TAFA1: variants seen among roughly 807,000 people sequenced by gnomAD.
TAFA1 encodes the protein TAFA chemokine like family member 1, also known as chemokine-like protein TAFA-1.
In TAFA1, 4 loss-of-function variants were observed where a neutral mutation model predicts 18.5. The observed-to-expected ratio is 0.22, with a 90% CI of 0.11 to 0.49. The LOEUF is 0.49. Ranked by LOEUF, TAFA1 falls within the 20% of genes least tolerant of loss-of-function variation. The pLI, the probability that TAFA1 is intolerant of heterozygous loss-of-function variation, is 0.98. For missense variants in TAFA1, 147 were observed against 169.0 expected (o/e 0.87, Z 0.72); for synonymous variants, 56 against 55.2 (o/e 1.01, Z -0.06).
At chr3:68,153,576 T>C (rs1559539918) in intron 2 of TAFA1, among the ~76,000 whole-genome samples, 2 of 152,192 alleles carry the variant, frequency 1.3e-5, no homozygotes, top group African/African-American at 4.8e-5. Context: ...TCGTTTTATT[T>C]TATTTGTTCA....
chr3:68,361,012 G>A (rs141991723), intron 2 of TAFA1, among the ~76,000 whole-genome samples: 4 of 152,058 alleles, frequency 2.6e-5, no homozygotes, highest in Non-Finnish European at 5.9e-5. Flanking sequence ...AAATAATAAG[G>A]CAAAATGCAC....
intron 2 of TAFA1, among the ~76,000 whole-genome samples, chr3:68,309,904 T>C (rs2068486550): frequency 6.6e-6 from 1 of 152,150 alleles, no homozygotes; most frequent in Non-Finnish European, 1.5e-5. Context: ...TTTATGTCAG[T>C]GGGAAGGAGG....
intron 2 of TAFA1, among the ~76,000 whole-genome samples, chr3:68,398,179 G>A (rs766423590): frequency 6.6e-6 from 1 of 152,096 alleles, no homozygotes; most frequent in Non-Finnish European, 1.5e-5. Flanking sequence ...TATGCTACAA[G>A]GCTAAAGTAA....
chr3:68,257,145 T>TCTG (rs897936432), intron 2 of TAFA1, among the ~76,000 whole-genome samples: 6 of 152,124 alleles, frequency 3.9e-5, no homozygotes, highest in African/African-American at 1.2e-4. Flanking sequence ...AACCTGCTGT[T>TCTG]CTGCTACACA....
intron 2 of TAFA1, among the ~76,000 whole-genome samples, chr3:68,118,022 A>G (rs189645763): frequency 3.3e-4 from 50 of 152,266 alleles, no homozygotes; most frequent in African/African-American, 1.1e-3. Context: ...TTTGTTGAAA[A>G]CAATTTTTTT....
chr3:68,077,533 C>CCAGT (rs1169530033), intron 2 of TAFA1, among the ~76,000 whole-genome samples: 11 of 149,492 alleles, frequency 7.4e-5, no homozygotes, highest in African/African-American at 2.7e-4. Flanking sequence ...ATATGGCTAG[C>CCAGT]CAGTTTTCCC....
chr3:68,117,289 TC>T (rs2065335959), intron 2 of TAFA1, among the ~76,000 whole-genome samples: 2 of 152,176 alleles, frequency 1.3e-5, no homozygotes, highest in African/African-American at 4.8e-5. Flanking sequence ...ACGCAAAACT[TC>T]TCAGGAGCAC....
chr3:68,369,851 G>A (rs1426976078), intron 2 of TAFA1, among the ~76,000 whole-genome samples: 1 of 152,074 alleles, frequency 6.6e-6, no homozygotes, highest in Non-Finnish European at 1.5e-5. Context: ...ATTTGCAAGT[G>A]CCACACCTTC....
chr3:68,057,205 G>A (rs900477643), intron 2 of TAFA1, among the ~76,000 whole-genome samples: 1 of 152,146 alleles, frequency 6.6e-6, no homozygotes, highest in South Asian at 2.1e-4. Flanking sequence ...TGTAGATTTG[G>A]CAGTGTGATA....
chr3:68,069,002 G>A (rs2106743471), intron 2 of TAFA1, among the ~76,000 whole-genome samples: 1 of 152,348 alleles, frequency 6.6e-6, no homozygotes, highest in Admixed American at 6.5e-5. Context: ...GAGATCTAGA[G>A]GAGGTGCAGA....
At chr3:68,314,882 CATAAG>C (rs2068582384) in intron 2 of TAFA1, among the ~76,000 whole-genome samples, 1 of 149,702 alleles carries the variant, frequency 6.7e-6, no homozygotes, top group South Asian at 2.1e-4. Flanking sequence ...ATTCTTCGGT[CATAAG>C]ATATTTATAC....
At chr3:68,260,579 C>T (rs540801127) in intron 2 of TAFA1, among the ~76,000 whole-genome samples, 2 of 152,040 alleles carry the variant, frequency 1.3e-5, no homozygotes, top group African/African-American at 4.8e-5. Context: ...GAGATATAGA[C>T]CAATGGAACA....
intron 2 of TAFA1, among the ~76,000 whole-genome samples, chr3:68,017,960 G>A (rs1417366542): frequency 8.9e-6 from 1 of 112,474 alleles, no homozygotes; most frequent in African/African-American, 3.3e-5. Flanking sequence ...AGGTTGGGTA[G>A]GAAGTCAGCT....
At chr3:68,108,237 G>T (rs974369677) in intron 2 of TAFA1, among the ~76,000 whole-genome samples, 1 of 152,092 alleles carries the variant, frequency 6.6e-6, no homozygotes. Context: ...GTAGAAACTT[G>T]TTAGATAAGA....
rs1450788700 is a variant in TAFA1, at chr3:68,512,068, G to A, written c.260-26688G>A. Among the ~76,000 whole-genome samples the A allele has an allele frequency of 3.3e-5, 5 of 152,046 alleles. No individual in the cohort carries two copies. In the East Asian group the frequency reaches 9.7e-4, roughly 29 times the overall value. Reference sequence around the variant, plus strand: ...AAAAAGGGCACCAAGGTTTACAGAAGTTAAATCACTTGATCAAGGTCCCTT... The same window carrying A: ...AAAAAGGGCACCAAGGTTTACAGAAATTAAATCACTTGATCAAGGTCCCTT... On this transcript the variant is annotated intron_variant, in intron 3 of 4. Transcript: ENST00000478136.
intron 3 of TAFA1, among the ~76,000 whole-genome samples, chr3:68,503,573 G>C (rs1009008653): frequency 1.3e-5 from 2 of 152,126 alleles, no homozygotes; most frequent in African/African-American, 2.4e-5. Context: ...TTCCTTTTGG[G>C]ATCCTGAAAA....
At chr3:68,147,315 A>C (rs899782498) in intron 2 of TAFA1, among the ~76,000 whole-genome samples, 1 of 151,920 alleles carries the variant, frequency 6.6e-6, no homozygotes, top group Admixed American at 6.6e-5. Flanking sequence ...GAGCCAGCCA[A>C]ATTATCCAAA....
intron 2 of TAFA1, among the ~76,000 whole-genome samples, chr3:68,061,396 G>C (rs1369391989): frequency 1.3e-5 from 2 of 152,178 alleles, no homozygotes; most frequent in East Asian, 3.9e-4. Context: ...CCTGAGAGAA[G>C]TCCTGAGAAA....
At chr3:68,091,099 T>A (rs970199175) in intron 2 of TAFA1, among the ~76,000 whole-genome samples, 2 of 152,204 alleles carry the variant, frequency 1.3e-5, no homozygotes, top group Non-Finnish European at 2.9e-5. Flanking sequence ...TCTAATCAGC[T>A]GGACAATCTT....
Sources: gnomAD v4.1 joint callset for allele counts (sites outside exome capture counted in the v4.1 genomes callset) on GRCh38, gnomAD v4.1.1 for gene constraint, MANE v1.5 for transcripts, NCBI Gene and HGNC (gene_info 2026-07-23, HGNC 2026-07-21) for gene names.